EXTL1: variants seen among roughly 807,000 people sequenced by gnomAD.
The protein encoded by EXTL1 is exostosin-like 1.
A neutral mutation model predicts 64.6 loss-of-function variants in EXTL1; 43 were observed. The ratio of observed to expected loss-of-function variants is 0.67; its 90% confidence interval spans 0.52 to 0.86. The LOEUF is 0.86. Among genes scored for constraint, EXTL1 ranks in the 40% least tolerant of loss-of-function variants. EXTL1 has a pLI of 0.00. For missense variants in EXTL1, 766 were observed against 879.0 expected (o/e 0.87, Z 1.62); for synonymous variants, 352 against 360.5 (o/e 0.98, Z 0.27).
rs2802317 is a variant in EXTL1, at chr1:26,033,931, G to A, written c.1679+75G>A. ...CCCCACCCCCACCCCGAACGGAGCA[G>A]AGTGGCCTAGACCCCAGGGATCCAG... On this transcript the variant is annotated intron_variant, in intron 9 of 10. Transcript: ENST00000374280. This position sits in a 1 kb window ranked among gnomAD's most constrained non-coding sequence, Gnocchi z 5.1. 3.8e-4 allele frequency: 534 copies of A among 1,413,418 alleles called. 3 individuals are homozygous for A. In the African/African-American group the frequency reaches 6.4e-3, roughly 17 times the overall value. 87.6% of individuals were successfully genotyped at this position (1,413,418 alleles called of 1,614,324 possible).
intron 1 of EXTL1, among the ~76,000 whole-genome samples, chr1:26,027,262 C>T (rs2050226358): frequency 6.6e-6 from 1 of 152,124 alleles, no homozygotes; most frequent in African/African-American, 2.4e-5. Flanking sequence ...CGGCTGCCTC[C>T]CTGGCTCCTC....
intron 1 of EXTL1, among the ~76,000 whole-genome samples, chr1:26,026,297 A>ATT (rs61087238): frequency 0.62 from 87,555 of 140,790 alleles, 28,015 homozygotes; most frequent in East Asian, 0.72. Flanking sequence ...GAAGAAAAAA[A>ATT]TTTTTTTTTT....
chr1:26,035,655 C>A lies in EXTL1; in HGVS notation c.*308C>A. On this transcript the variant is annotated 3_prime_UTR_variant, in exon 11 of 11. Coordinates refer to ENST00000374280, the MANE Select transcript of EXTL1 (RefSeq NM_004455.3). This position sits in a 1 kb window ranked among gnomAD's most constrained non-coding sequence, Gnocchi z 5.3. ...CTCCTCCAGGGACTTGCCTGGCCCT[C>A]CTCCCCCTCCGCCCCCAATGGGTTC... 1 of 310,896 alleles carries A rather than the reference C, an allele frequency of 3.2e-6. No homozygotes were observed. The highest frequency in any genetic ancestry group is 1.1e-4 in the South Asian group (1 of 9,488). 19.3% of individuals were successfully genotyped at this position (310,896 alleles called of 1,614,324 possible).
Position 26,022,848 on chromosome 1 carries a change from G to A in EXTL1, c.202G>A (p.Ala68Thr). Residue 68 changes from alanine (A) to threonine (T), a missense_variant, in exon 1 of 11, where the codon GCC becomes ACC. Physicochemically the swap from Ala to Thr is moderately conservative, Grantham distance 58 (BLOSUM62 0). This residue lies in a region of EXTL1 where 571 missense variants were observed against 647.6 expected (regional missense o/e 0.88). Coordinates refer to ENST00000374280, the MANE Select transcript of EXTL1 (RefSeq NM_004455.3). ...FSQPGELPED[A>T]VSPPQAPHGG... is the part of the protein sequence containing the mutation. The stretch of plus-strand genomic sequence containing the variant: ...CCAGCCTGGAGAGCTCCCAGAAGAT[G>A]CCGTTTCACCTCCTCAAGCCCCTCA... 6.2e-7 allele frequency: 1 copy of A among 1,614,080 alleles called. No homozygotes were observed. The highest frequency in any genetic ancestry group is 8.5e-7 in the Non-Finnish European group (1 of 1,180,020).
intron 1 of EXTL1, among the ~76,000 whole-genome samples, chr1:26,027,361 T>C (rs1046644804): frequency 6.6e-6 from 1 of 152,116 alleles, no homozygotes. Flanking sequence ...TCCTATCTCA[T>C]AGAGGTGCTG....
chr1:26,023,398 G>A lies in EXTL1; in HGVS notation c.752G>A (p.Arg251His), dbSNP rs1381307550. 6.9e-6 allele frequency: 10 copies of A among 1,452,960 alleles called. No homozygotes were observed. The highest frequency in any genetic ancestry group is 5.0e-5 in the East Asian group (2 of 39,974). 90.0% of individuals were successfully genotyped at this position (1,452,960 alleles called of 1,614,324 possible). Residue 251 changes from arginine (R) to histidine (H), a missense_variant, in exon 1 of 11, where the codon CGC becomes CAC. Physicochemically the swap from Arg to His is conservative, Grantham distance 29 (BLOSUM62 0). Transcript: ENST00000374280. ...TCCTCTGCCTGCCCCTGGGATGGGC[G>A]CTGTGAGCAAGACCCTGGACCTGGG... ...TGSSACPWDG[R>H]CEQDPGPGQT...
Position 26,028,616 on chromosome 1 carries a change from G to C in EXTL1, c.780-577G>C, listed in dbSNP as rs374246968. On this transcript the variant is annotated intron_variant, in intron 1 of 10. Transcript: ENST00000374280. ...GTGGCCCTGGGCTAGGGTGGTGGAG[G>C]GGGTAGGTGGGAGGAACAGAGGGAG... Among the ~76,000 whole-genome samples the C allele has an allele frequency of 7.9e-5, 12 of 152,276 alleles. No individual in the cohort carries two copies. The South Asian group carries it at 1.5e-3, about 18-fold the overall frequency.
chr1:26,023,709 T>A (rs1029973212), intron 1 of EXTL1, among the ~76,000 whole-genome samples: 3 of 152,180 alleles, frequency 2.0e-5, no homozygotes, highest in Non-Finnish European at 4.4e-5. Flanking sequence ...ACCCTAATAT[T>A]TTTTTTCCCC....
Position 26,033,348 on chromosome 1 carries a change from G to C in EXTL1, c.1518+33G>C. On this transcript the variant is annotated intron_variant, in intron 8 of 10. Coordinates refer to ENST00000374280, the MANE Select transcript of EXTL1 (RefSeq NM_004455.3). This position sits in a 1 kb window ranked among gnomAD's most constrained non-coding sequence, Gnocchi z 5.1. ...CTGGGCCCAAGAGAAGCCCAGTGTG[G>C]GTAGACACAGAGCCAGAGGGCCCTG... The C allele has an allele frequency of 6.3e-7, 1 of 1,580,112 alleles. No homozygotes were observed. The highest frequency in any genetic ancestry group is 8.7e-7 in the Non-Finnish European group (1 of 1,149,310).
In EXTL1 at chr1:26,023,246, T is replaced by C. The variant is rs772761655; in HGVS notation, c.600T>C (p.Phe200=). 13 of 1,600,190 alleles carry C rather than the reference T, an allele frequency of 8.1e-6. No individual in the cohort carries two copies. Among genetic ancestry groups the C allele is most frequent in the African/African-American group, 2.7e-5 (2 of 74,628 alleles). Reference sequence around the variant, plus strand: ...CCGGCTTTGATGTGGCCCTCCCTTTTCTCCCTGAAGCCCACCCGTTGCGAG... The same window carrying C: ...CCGGCTTTGATGTGGCCCTCCCTTTCCTCCCTGAAGCCCACCCGTTGCGAG... The part of the protein sequence containing the change: ...FRPGFDVALP[F]LPEAHPLRGG... Residue 200 remains phenylalanine, a synonymous_variant, in exon 1 of 11, where the codon TTT becomes TTC. Transcript: ENST00000374280.
chr1:26,030,426 G>T, intron 3 of EXTL1, 50 bp from the exon 4 acceptor site: 1 of 1,573,992 alleles, frequency 6.4e-7, no homozygotes. Flanking sequence ...TCGACCTCCT[G>T]GGCTCAAAAT....
rs1200545174 is a variant in EXTL1 at position 26,032,390 on chromosome 1, C to T, written c.1342-6C>T. 2.6e-6 allele frequency: 4 copies of T among 1,552,694 alleles called. No individual in the cohort carries two copies. Among genetic ancestry groups the T allele is most frequent in the African/African-American group, 1.4e-5 (1 of 73,178 alleles). On this transcript the variant is annotated splice_region_variant and splice_polypyrimidine_tract_variant and intron_variant, in intron 6 of 10. Transcript: ENST00000374280. The stretch of plus-strand genomic sequence containing the variant: ...CAGACTTCAAGAACAACCCCCTATC[C>T]TCTAGATCTTGGTTCTCTGGAGCAA...
In EXTL1 at chr1:26,026,363, G is replaced by A. The variant is rs369790052; in HGVS notation, c.780-2830G>A. Among the ~76,000 whole-genome samples the A allele has an allele frequency of 6.8e-5, 10 of 146,062 alleles. 1 individual carries two copies. The highest frequency in any genetic ancestry group is 2.2e-4 in the South Asian group (1 of 4,632). On this transcript the variant is annotated intron_variant, in intron 1 of 10. Coordinates refer to ENST00000374280, the MANE Select transcript of EXTL1 (RefSeq NM_004455.3). The stretch of plus-strand genomic sequence containing the variant: ...GGCTGGAGTGCAATGGCACAATCTT[G>A]GCTCACTGCGACCTCCACTTCCTGG...
rs753422939 is a variant in EXTL1, at chr1:26,022,973, G to A, written c.327G>A (p.Glu109=). The A allele has an allele frequency of 1.2e-6, 2 of 1,614,206 alleles. No individual in the cohort carries two copies. The highest frequency in any genetic ancestry group is 1.7e-6 in the Non-Finnish European group (2 of 1,180,032). Residue 109 remains glutamate (E), a synonymous_variant, in exon 1 of 11, where the codon GAG becomes GAA. Coordinates refer to ENST00000374280, the MANE Select transcript of EXTL1 (RefSeq NM_004455.3). ...FVYPAVGTIS[E]THRRILASIE... ...ACCCAGCGGTTGGAACCATCTCTGA[G>A]ACTCATCGCAGGATCCTGGCTTCCA... is the stretch of plus-strand genomic sequence containing the variant.
intron 4 of EXTL1, 21 bp downstream of exon 4, chr1:26,030,616 G>A (rs1324939061): frequency 3.1e-6 from 5 of 1,594,112 alleles, no homozygotes; most frequent in Middle Eastern, 3.4e-4. Context: ...TCACCTGATG[G>A]GGGTCCTGGC....
In EXTL1 at chr1:26,031,527, GCTCATC is replaced by G. The variant is rs1196429838; in HGVS notation, c.1304_1309del (p.Leu435_Ile436del). 64 of 1,601,972 alleles carry G rather than the reference GCTCATC, an allele frequency of 4.0e-5. No homozygotes were observed. The highest frequency in any genetic ancestry group is 5.3e-5 in the Non-Finnish European group (62 of 1,174,538). On this transcript the variant is annotated inframe_deletion, in exon 6 of 11. Transcript: ENST00000374280. ...GGCCCCCAGGCCAGCCCCCTCTGAA[GCTCATC>G]CAGGCGGTGGCAGGCTCCCAGCACT...
At chr1:26,028,655 C>A (rs562914794) in intron 1 of EXTL1, among the ~76,000 whole-genome samples, 13 of 148,546 alleles carry the variant, frequency 8.8e-5, no homozygotes, top group African/African-American at 3.1e-4. Context: ...GTCCTCTGGG[C>A]CAGGGGACCT....
Position 26,033,384 on chromosome 1 carries a change from A to C in EXTL1, c.1518+69A>C. 2.9e-6 allele frequency: 4 copies of C among 1,387,326 alleles called. No individual in the cohort carries two copies. The highest frequency in any genetic ancestry group is 4.1e-6 in the Non-Finnish European group (4 of 975,572). The allele number at this position is 1,387,326 out of a possible 1,614,324, so 85.9% of individuals were successfully genotyped here. A position where few individuals can be genotyped will look rare whatever the true frequency, so the allele number is the denominator to read the frequency against. On this transcript the variant is annotated intron_variant, in intron 8 of 10. Transcript: ENST00000374280. This position sits in a 1 kb window ranked among gnomAD's most constrained non-coding sequence, Gnocchi z 5.1. Reference sequence around the variant, plus strand: ...AGCCAGAGGGCCCTGGCAGCCCCTCAGGTTCCCAGGGTTGAGGGGACCCCA... The same window carrying C: ...AGCCAGAGGGCCCTGGCAGCCCCTCCGGTTCCCAGGGTTGAGGGGACCCCA...
intron 1 of EXTL1, among the ~76,000 whole-genome samples, chr1:26,026,379 C>T (rs2050216708): frequency 1.3e-5 from 2 of 150,706 alleles, no homozygotes; most frequent in Admixed American, 6.6e-5. Context: ...CTGCGACCTC[C>T]ACTTCCTGGG....
Sources: gnomAD v4.1 joint callset for allele counts (sites outside exome capture counted in the v4.1 genomes callset) on GRCh38, gnomAD v4.1.1 for gene constraint, gnomAD v4.1.1 regional missense constraint, Gnocchi (gnomAD v3.1) non-coding constraint, MANE v1.5 for transcripts, NCBI Gene and HGNC (gene_info 2026-07-23, HGNC 2026-07-21) for gene names.